The following DCLK1 variants were observed in gnomAD, a reference collection of about 807,000 sequenced individuals.
DCLK1 encodes doublecortin like kinase 1.
Under a neutral mutation model 86.2 loss-of-function variants are expected in DCLK1, and 16 were observed. That is an observed-to-expected ratio of 0.19 (90% CI 0.13 to 0.28). The LOEUF is 0.28. DCLK1 is among the 10% of genes least tolerant of loss of function. The pLI is 1.00. For missense variants in DCLK1, 590 were observed against 940.2 expected (o/e 0.63, Z 4.87); for synonymous variants, 369 against 370.5 (o/e 1.00, Z 0.05).
chr13:35,821,816 C>T (rs1441635224), intron 11 of DCLK1, among the ~76,000 whole-genome samples: 1 of 151,658 alleles, frequency 6.6e-6, no homozygotes, highest in Non-Finnish European at 1.5e-5. Flanking sequence ...TCTTTTTTTC[C>T]TATGTATTCC....
At position 36,011,947 on chromosome 13, in the gene DCLK1, C is replaced by T. The variant is rs9601901; in HGVS notation, c.724-64490G>A. ...GCATATATATTTAGGATAGTTAGCT[C>T]CTCTTGTTGAATTGATCCCTTTACC... On this transcript the variant is annotated intron_variant, in intron 3 of 16. Transcript: ENST00000360631. 1.9e-3 allele frequency among the ~76,000 whole-genome samples: 284 copies of T among 150,322 alleles called. 1 individual carries two copies. The highest frequency in any genetic ancestry group is 6.7e-3 in the African/African-American group (271 of 40,212).
chr13:35,935,251 C>T (rs1397711580), intron 4 of DCLK1, among the ~76,000 whole-genome samples: 1 of 152,218 alleles, frequency 6.6e-6, no homozygotes, highest in Non-Finnish European at 1.5e-5. Context: ...CAGACTACAA[C>T]TGCCCTAGAA....
intron 4 of DCLK1, among the ~76,000 whole-genome samples, chr13:35,875,927 C>A (rs902197025): frequency 3.3e-5 from 5 of 152,128 alleles, no homozygotes; most frequent in African/African-American, 1.2e-4. Context: ...GAACCCAACT[C>A]TCTTGGGTTG....
chr13:35,808,951 G>T (rs1004913997), intron 13 of DCLK1, 67 bp downstream of exon 13: 5 of 1,408,888 alleles, frequency 3.5e-6, no homozygotes, highest in Non-Finnish European at 4.9e-6. Flanking sequence ...TGCAAGAAGG[G>T]CTAATGGATC....
intron 3 of DCLK1, among the ~76,000 whole-genome samples, chr13:36,058,438 T>C (rs1883416883): frequency 6.6e-6 from 1 of 152,042 alleles, no homozygotes; most frequent in African/African-American, 2.4e-5. Flanking sequence ...GAGAGGGAGA[T>C]CTAATTAGAA....
chr13:35,912,621 A>G (rs1875112279), intron 4 of DCLK1, among the ~76,000 whole-genome samples: 1 of 152,168 alleles, frequency 6.6e-6, no homozygotes, highest in South Asian at 2.1e-4. Flanking sequence ...CTCTCTGCTG[A>G]GAGCAACTTC....
In DCLK1 at chr13:35,986,285, G is replaced by C. The variant is rs182599054; in HGVS notation, c.724-38828C>G. Among the ~76,000 whole-genome samples the C allele has an allele frequency of 1.8e-3, 196 of 107,308 alleles. 3 individuals carry two copies. Among genetic ancestry groups the C allele is most frequent in the East Asian group, 9.7e-4 (3 of 3,094 alleles). 70.4% of individuals were successfully genotyped at this position (107,308 alleles called of 152,430 possible). ...CCATTGCACTCCAGTCTGGGTGACA[G>C]AGTGGACTCCGTCTCAAAAAAAAAA... On this transcript the variant is annotated intron_variant, in intron 3 of 16. Transcript: ENST00000360631.
At chr13:36,080,423 C>T (rs530564355) in intron 3 of DCLK1, among the ~76,000 whole-genome samples, 5 of 152,240 alleles carry the variant, frequency 3.3e-5, no homozygotes, top group South Asian at 4.1e-4. Context: ...TGGTCCATGT[C>T]GGGTTATCTT....
chr13:36,031,612 A>C (rs916851698), intron 3 of DCLK1, among the ~76,000 whole-genome samples: 4 of 152,322 alleles, frequency 2.6e-5, no homozygotes, highest in African/African-American at 9.6e-5. Context: ...TTATTAGATA[A>C]TTAAGTACCA....
At chr13:35,958,270 T>TCACCACCGC (rs1878232360) in intron 3 of DCLK1, among the ~76,000 whole-genome samples, 1 of 3,892 alleles carries the variant, frequency 2.6e-4, no homozygotes, top group Non-Finnish European at 7.2e-4. Flanking sequence ...ACTATAACCA[T>TCACCACCGC]TACCACCATC....
intron 3 of DCLK1, among the ~76,000 whole-genome samples, chr13:36,055,234 T>C (rs1883259196): frequency 6.6e-6 from 1 of 152,140 alleles, no homozygotes; most frequent in African/African-American, 2.4e-5. Flanking sequence ...GACTTGATTT[T>C]CGACATACCA....
At chr13:35,855,196 A>G (rs1159661974) in intron 5 of DCLK1, among the ~76,000 whole-genome samples, 1 of 152,148 alleles carries the variant, frequency 6.6e-6, no homozygotes, top group Non-Finnish European at 1.5e-5. Context: ...GAAAAGAAAA[A>G]CTGCTAACAA....
chr13:35,930,485 C>T (rs1259600527), intron 4 of DCLK1, among the ~76,000 whole-genome samples: 1 of 152,138 alleles, frequency 6.6e-6, no homozygotes, highest in Non-Finnish European at 1.5e-5. Flanking sequence ...CTGGTAGTCC[C>T]AGCTACTCAA....
chr13:36,075,852 G>A (rs1884186543), intron 3 of DCLK1, among the ~76,000 whole-genome samples: 1 of 151,832 alleles, frequency 6.6e-6, no homozygotes. Flanking sequence ...CCCCATCTCT[G>A]CTAAAAACAC....
At chr13:36,129,397 G>A (rs975177804) in intron 1 of DCLK1, among the ~76,000 whole-genome samples, 3 of 152,088 alleles carry the variant, frequency 2.0e-5, no homozygotes, top group Non-Finnish European at 4.4e-5. Context: ...TCCAGGGCAG[G>A]GCTACACCTT....
At chr13:36,007,078 G>A (rs1484585970) in intron 3 of DCLK1, among the ~76,000 whole-genome samples, 1 of 152,120 alleles carries the variant, frequency 6.6e-6, no homozygotes, top group Non-Finnish European at 1.5e-5. Flanking sequence ...TGCGAGGAGA[G>A]TGTGCCCAGA....
At chr13:36,007,636 T>C (rs1767027022) in intron 3 of DCLK1, among the ~76,000 whole-genome samples, 1 of 152,234 alleles carries the variant, frequency 6.6e-6, no homozygotes, top group Admixed American at 6.5e-5. Context: ...ATTGAATATA[T>C]TCTATTCCCT....
chr13:35,781,078 C>T (rs546550644), intron 16 of DCLK1, among the ~76,000 whole-genome samples: 1 of 152,264 alleles, frequency 6.6e-6, no homozygotes, highest in South Asian at 2.1e-4. Flanking sequence ...ATGAACTACC[C>T]ATCTGGTATG....
chr13:35,847,366 G>T, intron 6 of DCLK1: 3 of 984,956 alleles, frequency 3.0e-6, no homozygotes, highest in Non-Finnish European at 3.6e-6. Context: ...AACTTATAAG[G>T]CTGTATCACA....
Sources: allele counts gnomAD v4.1 joint callset (sites outside exome capture counted in the v4.1 genomes callset), GRCh38; gene constraint gnomAD v4.1.1; transcripts MANE v1.5; gene names NCBI Gene and HGNC (gene_info 2026-07-23, HGNC 2026-07-21).